The following MXI1 variants were observed in gnomAD, a reference collection of about 807,000 sequenced individuals.
MXI1 encodes max-interacting protein 1.
Under a neutral mutation model 36.9 loss-of-function variants are expected in MXI1, and 18 were observed. That is an observed-to-expected ratio of 0.49 (90% CI 0.34 to 0.72). MXI1 has a LOEUF of 0.72. MXI1 is among the 30% of genes least tolerant of loss of function. MXI1 has a pLI of 0.01. For synonymous variants in MXI1, 160 were observed against 146.7 expected, an observed-to-expected ratio of 1.09 and a Z score of -0.65; for missense variants, 304 against 379.1, an observed-to-expected ratio of 0.80 and a Z score of 1.64.
intron 2 of MXI1, among the ~76,000 whole-genome samples, chr10:110,238,436 A>G (rs920554618): frequency 1.3e-5 from 2 of 152,134 alleles, no homozygotes; most frequent in South Asian, 4.1e-4. Context: ...TACTTTCTGT[A>G]TATTATTGGG....
intron 1 of MXI1, among the ~76,000 whole-genome samples, chr10:110,215,388 C>G (rs573118857): frequency 2.8e-4 from 42 of 152,200 alleles, no homozygotes; most frequent in Non-Finnish European, 4.9e-4. Context: ...GCATCAGGGC[C>G]AGAAGGAGCC....
intron 3 of MXI1, among the ~76,000 whole-genome samples, chr10:110,267,325 T>G (rs879340061): frequency 1.2e-4 from 19 of 152,214 alleles, no homozygotes; most frequent in Admixed American, 4.6e-4. Context: ...TAAGGAGATG[T>G]TAGGGGTATG....
At chr10:110,215,446 A>G (rs1458601755) in intron 1 of MXI1, among the ~76,000 whole-genome samples, 2 of 152,050 alleles carry the variant, frequency 1.3e-5, no homozygotes, top group Non-Finnish European at 2.9e-5. Flanking sequence ...GGAGTCTGAG[A>G]CCCAGAGAGG....
intron 3 of MXI1, among the ~76,000 whole-genome samples, chr10:110,259,039 A>G (rs956109346): frequency 2.0e-5 from 3 of 152,156 alleles, no homozygotes; most frequent in Non-Finnish European, 2.9e-5. Flanking sequence ...ATCTTAAAAA[A>G]TAATCAGAAG....
Position 110,285,166 on chromosome 10 carries a change from T to TG in MXI1, c.*183dup. On this transcript the variant is annotated 3_prime_UTR_variant, in exon 6 of 6. Transcript: ENST00000332674. ...ATTTAAGCAAATACTTAGCAAAAAG[T>TG]GGGGCAGAGCCTCCCAAGGAGAACA... is the stretch of plus-strand genomic sequence containing the variant. 1 of 486,414 alleles carries TG rather than the reference T, an allele frequency of 2.1e-6. No individual in the cohort carries two copies. Among genetic ancestry groups the TG allele is most frequent in the East Asian group, 3.5e-5 (1 of 28,704 alleles). The allele number at this position is 486,414 out of a possible 1,614,324, so 30.1% of individuals were successfully genotyped here.
intron 3 of MXI1, among the ~76,000 whole-genome samples, chr10:110,267,285 C>T (rs1856704048): frequency 1.3e-5 from 2 of 152,222 alleles, no homozygotes; most frequent in South Asian, 4.2e-4. Context: ...TAGATCAGTT[C>T]TTTGATAAAA....
chr10:110,226,142 C>G (rs1361263018), intron 1 of MXI1: 17 of 1,346,942 alleles, frequency 1.3e-5, no homozygotes, highest in African/African-American at 1.5e-5. Flanking sequence ...CGGCCGTAGC[C>G]GCCTGCGGCG....
At chr10:110,281,931 A>G (rs1857265128) in intron 5 of MXI1, among the ~76,000 whole-genome samples, 1 of 152,204 alleles carries the variant, frequency 6.6e-6, no homozygotes, top group Non-Finnish European at 1.5e-5. Context: ...TAACAGTTTT[A>G]GCAATTATTG....
chr10:110,279,194 G>A lies in MXI1; in HGVS notation c.452G>A (p.Arg151His), dbSNP rs756843001. The change falls in exon 4 of 6, where the codon CGC (arginine) becomes CAC (histidine). Residue 151 changes from arginine to histidine, a missense_variant. Transcript: ENST00000332674. ...GTCTTTCTTAGACGAGCTCATCTGC[G>A]CCTTTGTTTAGAACGCTTAAAAGTT... ...ELEKNRRAHL[R>H]LCLERLKVLI... 3.1e-6 allele frequency: 5 copies of A among 1,613,812 alleles called. No individual in the cohort carries two copies. The highest frequency in any genetic ancestry group is 2.2e-5 in the East Asian group (1 of 44,876).
Position 110,255,405 on chromosome 10 carries a change from C to T in MXI1, c.437+10548C>T, listed in dbSNP as rs145612287. 2.0e-5 allele frequency among the ~76,000 whole-genome samples: 3 copies of T among 152,254 alleles called. No individual in the cohort carries two copies. The East Asian group carries it at 5.8e-4, about 29-fold the overall frequency. ...GATATTAATGTTATTTTCATGTATGCTAACACAACATCCATTCTGCAGCCC... is the reference window on the plus strand; with the variant it reads ...GATATTAATGTTATTTTCATGTATGTTAACACAACATCCATTCTGCAGCCC... On this transcript the variant is annotated intron_variant, in intron 3 of 5. Coordinates refer to ENST00000332674, the MANE Select transcript of MXI1 (RefSeq NM_130439.3).
chr10:110,222,179 G>A (rs904781644), intron 1 of MXI1, among the ~76,000 whole-genome samples: 3 of 152,164 alleles, frequency 2.0e-5, no homozygotes. Flanking sequence ...ATGTATAACT[G>A]TTAACGGTTC....
rs367591565 is a variant in MXI1, at chr10:110,280,026, G to A, written c.665G>A (p.Arg222Gln). The change falls in exon 5 of 6, where the codon CGA (arginine) becomes CAA (glutamine). Residue 222 changes from arginine (R) to glutamine (Q), a missense_variant. Arg to Gln is a conservative substitution (Grantham distance 43). Around this residue, in one of 2 missense-constraint regions of MXI1, gnomAD observed 125 missense variants for 194.3 expected, o/e 0.64. Transcript: ENST00000332674. ...EQLQGPQEME[R>Q]IRMDSIGSTI... ...CTGCAGGGTCCTCAGGAGATGGAAC[G>A]AATACGAATGGACAGCATTGGATCA... 124 of 1,607,512 alleles carry A rather than the reference G, an allele frequency of 7.7e-5. No homozygotes were observed. The highest frequency in any genetic ancestry group is 1.0e-4 in the Non-Finnish European group (122 of 1,175,880).
intron 1 of MXI1, chr10:110,226,269 A>G: frequency 6.7e-7 from 1 of 1,495,876 alleles, no homozygotes; most frequent in Non-Finnish European, 8.9e-7. Flanking sequence ...GAGTTTTTGG[A>G]GCGCCGGGAG....
In MXI1 at chr10:110,228,200, G is replaced by C. The variant is rs1855131762; in HGVS notation, c.286G>C (p.Gly96Arg). ...CTTGCTTTCTTCAGAGTGTGAACAT[G>C]GCTACGCCTCTTCATTCCCGTCCAT... is the stretch of plus-strand genomic sequence containing the variant. ...IEKENKKCEH[G>R]YASSFPSMPS... The change falls in exon 2 of 6, where the codon GGC becomes CGC. Residue 96 changes from glycine to arginine, a missense_variant. Coordinates refer to ENST00000332674, the MANE Select transcript of MXI1 (RefSeq NM_130439.3). 2 of 1,613,864 alleles carry C rather than the reference G, an allele frequency of 1.2e-6. No homozygotes were observed. The highest frequency in any genetic ancestry group is 8.5e-7 in the Non-Finnish European group (1 of 1,180,026).
At chr10:110,276,843 C>T (rs1471319347) in intron 3 of MXI1, among the ~76,000 whole-genome samples, 44 of 140,378 alleles carry the variant, frequency 3.1e-4, no homozygotes, top group African/African-American at 8.8e-4. Context: ...CTTTTCTTTT[C>T]TTTTTTTTTT....
intron 1 of MXI1, among the ~76,000 whole-genome samples, chr10:110,225,661 A>G (rs1854934925): frequency 6.6e-6 from 1 of 152,196 alleles, no homozygotes; most frequent in African/African-American, 2.4e-5. Flanking sequence ...CTGAGAAACA[A>G]GTTTCCCCGG....
chr10:110,280,174 T>C, intron 5 of MXI1, 89 bp downstream of exon 5: 1 of 1,140,168 alleles, frequency 8.8e-7, no homozygotes, highest in Non-Finnish European at 1.2e-6. Flanking sequence ...TGTATTTGCT[T>C]TCTTTCTAGC....
chr10:110,260,526 CCAG>C (rs1304374860), intron 3 of MXI1, among the ~76,000 whole-genome samples: 3 of 150,690 alleles, frequency 2.0e-5, no homozygotes, highest in African/African-American at 7.3e-5. Context: ...AAATGAAAGA[CCAG>C]CAGGAAAAAT....
chr10:110,208,269 A>C, intron 1 of MXI1, 187 bp downstream of exon 1: 4 of 535,802 alleles, frequency 7.5e-6, no homozygotes, highest in Non-Finnish European at 1.2e-5. Flanking sequence ...TGTAACAAAG[A>C]CGGGCGAGGG....
Sources: gnomAD v4.1 joint callset for allele counts (sites outside exome capture counted in the v4.1 genomes callset) on GRCh38, gnomAD v4.1.1 for gene constraint, gnomAD v4.1.1 regional missense constraint, MANE v1.5 for transcripts, NCBI Gene and HGNC (gene_info 2026-07-23, HGNC 2026-07-21) for gene names.